IPO11: variants seen among roughly 807,000 people sequenced by gnomAD.
IPO11 encodes importin 11, also known as importin-11.
Under a neutral mutation model 143.2 loss-of-function variants are expected in IPO11, and 66 were observed. The ratio of observed to expected loss-of-function variants is 0.46; its 90% confidence interval spans 0.38 to 0.57. The LOEUF is 0.57. IPO11 is among the 20% of genes least tolerant of loss of function. The pLI is 0.00. For missense variants in IPO11, 1,026 were observed against 1,141.0 expected, an observed-to-expected ratio of 0.90 and a Z score of 1.45; for synonymous variants, 385 against 377.8, an observed-to-expected ratio of 1.02 and a Z score of -0.22.
intron 6 of IPO11, among the ~76,000 whole-genome samples, chr5:62,468,793 T>C (rs1220754459): frequency 6.6e-6 from 1 of 152,178 alleles, no homozygotes; most frequent in Admixed American, 6.5e-5. Flanking sequence ...CACATTAACT[T>C]TTTAGAGATA....
chr5:62,493,866 C>A (rs543660422), intron 15 of IPO11, 132 bp from the exon 16 acceptor site: 20 of 845,478 alleles, frequency 2.4e-5, no homozygotes, highest in Non-Finnish European at 3.4e-5. Context: ...AGCACACCTG[C>A]TTTTAAGCTT....
At chr5:62,441,621 T>A (rs1744482500) in intron 2 of IPO11, among the ~76,000 whole-genome samples, 1 of 146,598 alleles carries the variant, frequency 6.8e-6, no homozygotes, top group African/African-American at 2.5e-5. Context: ...GTTCAAGCAA[T>A]TCTCCTGCCT....
Position 62,551,323 on chromosome 5 carries a change from A to C in IPO11, c.2447A>C (p.Lys816Thr), listed in dbSNP as rs780522085. ...TCACTACTTAATGAGATGGCCCATA[A>C]ATTTAATCAGGAGGTAAGAATCAAT... ...FSSLLNEMAH[K>T]FNQEMDQLLG... The change falls in exon 26 of 30, where the codon AAA becomes ACA. Residue 816 changes from lysine to threonine, a missense_variant. By Grantham distance (78) the Lys-to-Thr change is moderately conservative. Coordinates refer to ENST00000325324, the MANE Select transcript of IPO11 (RefSeq NM_016338.5). The C allele has an allele frequency of 1.3e-6, 2 of 1,557,752 alleles. No homozygotes were observed. Among genetic ancestry groups the C allele is most frequent in the Middle Eastern group, 4.1e-4 (2 of 4,904 alleles).
chr5:62,438,931 C>T (rs573948864), intron 2 of IPO11, among the ~76,000 whole-genome samples: 76 of 151,808 alleles, frequency 5.0e-4, no homozygotes, highest in Non-Finnish European at 9.6e-4. Flanking sequence ...TGGTGGCGGG[C>T]GCCTGTAGTC....
intron 20 of IPO11, among the ~76,000 whole-genome samples, chr5:62,523,803 G>A (rs1260892641): frequency 6.6e-6 from 1 of 152,124 alleles, no homozygotes; most frequent in Non-Finnish European, 1.5e-5. Flanking sequence ...AATTCAGAGA[G>A]TTGTTGTAGA....
chr5:62,538,534 A>G (rs1742814700), intron 24 of IPO11, among the ~76,000 whole-genome samples: 1 of 152,152 alleles, frequency 6.6e-6, no homozygotes, highest in Non-Finnish European at 1.5e-5. Flanking sequence ...CGCTTCGCTC[A>G]GCACTTCTTC....
At chr5:62,593,632 A>T (rs1745113847) in intron 28 of IPO11, among the ~76,000 whole-genome samples, 1 of 152,204 alleles carries the variant, frequency 6.6e-6, no homozygotes, top group South Asian at 2.1e-4. Flanking sequence ...AGTAAGGAAA[A>T]CAAACCAGTT....
chr5:62,496,188 C>G (rs932033706), intron 16 of IPO11, among the ~76,000 whole-genome samples: 1 of 151,024 alleles, frequency 6.6e-6, no homozygotes, highest in African/African-American at 2.4e-5. Context: ...CTTGGGAGGC[C>G]GAGGCAGGAG....
intron 24 of IPO11, among the ~76,000 whole-genome samples, chr5:62,539,082 C>T (rs972538331): frequency 6.6e-6 from 1 of 152,158 alleles, no homozygotes; most frequent in African/African-American, 2.4e-5. Context: ...TTAAGGAGAT[C>T]AGTAAGGACT....
chr5:62,583,146 G>A (rs916560791), intron 27 of IPO11, among the ~76,000 whole-genome samples: 3 of 152,070 alleles, frequency 2.0e-5, no homozygotes, highest in Non-Finnish European at 4.4e-5. Flanking sequence ...CACCTTGAGA[G>A]ACATTTTTAA....
At chr5:62,555,444 C>CTGTGACTTGGGTGG (rs1743540358) in intron 26 of IPO11, among the ~76,000 whole-genome samples, 1 of 151,784 alleles carries the variant, frequency 6.6e-6, no homozygotes, top group Non-Finnish European at 1.5e-5. Context: ...TCCCAAGTAG[C>CTGTGACTTGGGTGG]TGTGACTACA....
intron 1 of IPO11, among the ~76,000 whole-genome samples, chr5:62,429,862 ATCCTCCTGCC>A (rs1204462594): frequency 7.2e-5 from 11 of 151,982 alleles, no homozygotes. Flanking sequence ...TGACCTTGTG[ATCCTCCTGCC>A]TCAGCCTCCC....
chr5:62,602,427 TAAG>T (rs1375469646), intron 29 of IPO11, among the ~76,000 whole-genome samples: 1 of 152,216 alleles, frequency 6.6e-6, no homozygotes, highest in Non-Finnish European at 1.5e-5. Context: ...AATAGGTACA[TAAG>T]AAACTATTTT....
intron 10 of IPO11, among the ~76,000 whole-genome samples, 175 bp from the exon 11 acceptor site, chr5:62,483,835 G>A (rs1230023753): frequency 6.6e-6 from 1 of 152,150 alleles, no homozygotes; most frequent in Non-Finnish European, 1.5e-5. Flanking sequence ...CAAGATTGAT[G>A]TGAGTGTGTT....
chr5:62,537,862 T>C (rs1742788909), intron 24 of IPO11, among the ~76,000 whole-genome samples: 1 of 151,984 alleles, frequency 6.6e-6, no homozygotes, highest in Non-Finnish European at 1.5e-5. Flanking sequence ...AACATAAATG[T>C]ATGTAGAAAT....
chr5:62,435,062 GTA>G (rs1300928354), intron 1 of IPO11, among the ~76,000 whole-genome samples: 22 of 106,790 alleles, frequency 2.1e-4, no homozygotes, highest in African/African-American at 6.4e-4. Context: ...ATATATATAT[GTA>G]TATATATGTA....
At chr5:62,514,937 T>A (rs1291344076) in intron 19 of IPO11, among the ~76,000 whole-genome samples, 1 of 152,172 alleles carries the variant, frequency 6.6e-6, no homozygotes, top group African/African-American at 2.4e-5. Context: ...ATTGTAAGGG[T>A]TTGTCTGGCT....
At chr5:62,526,279 C>A (rs1177229750) in intron 21 of IPO11, 22 bp downstream of exon 21, 2 of 1,482,230 alleles carry the variant, frequency 1.3e-6, no homozygotes, top group African/African-American at 2.8e-5. Flanking sequence ...AACTTAATAC[C>A]ATGGATCTTA....
Position 62,487,753 on chromosome 5 carries a change from G to A in IPO11, c.1219-18G>A, listed in dbSNP as rs1176223607. The A allele has an allele frequency of 2.6e-6, 4 of 1,535,160 alleles. No homozygotes were observed. Among genetic ancestry groups the A allele is most frequent in the South Asian group, 2.6e-5 (2 of 75,882 alleles). On this transcript the variant is annotated intron_variant, in intron 12 of 29. Transcript: ENST00000325324. ...ATGCAACTGTTTTGATGAGAAATTTGTATTTTTCCCTCTCCAGCCATGCAC... is the reference window on the plus strand; with the variant it reads ...ATGCAACTGTTTTGATGAGAAATTTATATTTTTCCCTCTCCAGCCATGCAC...
Sources: gnomAD v4.1 joint callset for allele counts (sites outside exome capture counted in the v4.1 genomes callset) on GRCh38, gnomAD v4.1.1 for gene constraint, MANE v1.5 for transcripts, NCBI Gene and HGNC (gene_info 2026-07-23, HGNC 2026-07-21) for gene names.